Variants in ATXN2 observed in about 807,000 individuals in gnomAD.
The protein encoded by ATXN2 is ataxin 2.
A neutral mutation model predicts 138.6 loss-of-function variants in ATXN2; 37 were observed. The ratio of observed to expected loss-of-function variants is 0.27; its 90% CI spans 0.21 to 0.35. The LOEUF (loss-of-function observed/expected upper bound fraction) is 0.35, where lower values mean the gene tolerates loss of function less well. Among genes scored for constraint, ATXN2 ranks in the 10% least tolerant of loss-of-function variants. The pLI is 1.00. For synonymous variants in ATXN2, 549 were observed against 543.7 expected, an observed-to-expected ratio of 1.01 and a Z score of -0.13; for missense variants, 1,216 against 1,480.3, an observed-to-expected ratio of 0.82 and a Z score of 2.93.
rs530808822 is a variant in ATXN2, at chr12:111,473,282, TA to T, written c.2525-2541del. Among the ~76,000 whole-genome samples the T allele has an allele frequency of 2.3e-3, 304 of 131,756 alleles. 1 individual carries two copies. Among genetic ancestry groups the T allele is most frequent in the Non-Finnish European group, 2.2e-3 (135 of 60,930 alleles). 86.4% of individuals were successfully genotyped at this position (131,756 alleles called of 152,430 possible). A position where few individuals can be genotyped will look rare whatever the true frequency, so the allele number is the denominator to read the frequency against. On this transcript the variant is annotated intron_variant, in intron 18 of 24. Transcript: ENST00000673436. Reference sequence around the variant, plus strand: ...GAGCCAGACCTTGTCTCCAAAAAATTAAAAAAAAAAAAAAAATTCCAGAAGT... The same window carrying T: ...GAGCCAGACCTTGTCTCCAAAAAATTAAAAAAAAAAAAAAATTCCAGAAGT...
intron 5 of ATXN2, among the ~76,000 whole-genome samples, chr12:111,549,188 C>T (rs555945716): frequency 6.6e-6 from 1 of 152,224 alleles, no homozygotes; most frequent in African/African-American, 2.4e-5. Flanking sequence ...GGTGACTAAA[C>T]GTGAACCCAG....
chr12:111,456,111 G>A lies in ATXN2; in HGVS notation c.3188C>T (p.Ala1063Val). Residue 1063 changes from alanine (A) to valine (V), a missense_variant, in exon 23 of 25, where the codon GCA (alanine) becomes GTA (valine). Coordinates refer to ENST00000673436, the MANE Select transcript of ATXN2 (RefSeq NM_001372574.1). ...ATGGATCGTAAAGACAGTCTGTTGTGCTGCTGGGAAACTATTCTGTGGCGA... is the reference window on the plus strand; with the variant it reads ...ATGGATCGTAAAGACAGTCTGTTGTACTGCTGGGAAACTATTCTGTGGCGA... Reference protein sequence around the residue: ...TQSPQNSFPAAQQTVFTIHPS... With the variant: ...TQSPQNSFPAVQQTVFTIHPS... 2 of 1,614,228 alleles carry A rather than the reference G, an allele frequency of 1.2e-6. No individual in the cohort carries two copies. The highest frequency in any genetic ancestry group is 1.7e-6 in the Non-Finnish European group (2 of 1,180,044).
At chr12:111,556,403 A>G in intron 1 of ATXN2, among the ~76,000 whole-genome samples, 1 of 152,112 alleles carries the variant, frequency 6.6e-6, no homozygotes, top group East Asian at 1.9e-4. Flanking sequence ...TCCCAAAGTA[A>G]CCAATCACTG....
At chr12:111,561,795 G>A (rs1467523469) in intron 1 of ATXN2, among the ~76,000 whole-genome samples, 1 of 151,962 alleles carries the variant, frequency 6.6e-6, no homozygotes. Context: ...TGCAGCCTGG[G>A]TGACAGAGCA....
chr12:111,538,923 T>C (rs1286000550), intron 5 of ATXN2, among the ~76,000 whole-genome samples: 1 of 149,574 alleles, frequency 6.7e-6, no homozygotes, highest in Non-Finnish European at 1.5e-5. Context: ...CAAGAAAAAA[T>C]ATGGAAATTC....
At chr12:111,569,642 G>A (rs1386173872) in intron 1 of ATXN2, among the ~76,000 whole-genome samples, 3 of 152,150 alleles carry the variant, frequency 2.0e-5, no homozygotes, top group African/African-American at 7.2e-5. Flanking sequence ...CTTAAGCCCA[G>A]GAAGTCGAGG....
chr12:111,524,740 C>T (rs940539051), intron 6 of ATXN2, among the ~76,000 whole-genome samples: 1 of 152,156 alleles, frequency 6.6e-6, no homozygotes, highest in African/African-American at 2.4e-5. Context: ...TCCAATGTAA[C>T]CTAATTATTT....
At chr12:111,575,502 T>C (rs1469752482) in intron 1 of ATXN2, among the ~76,000 whole-genome samples, 1 of 152,044 alleles carries the variant, frequency 6.6e-6, no homozygotes, top group Admixed American at 6.6e-5. Flanking sequence ...TTCCTCTTCA[T>C]CTAAAAGAAC....
intron 10 of ATXN2, 71 bp from the exon 11 acceptor site, chr12:111,513,610 C>T: frequency 7.3e-7 from 1 of 1,365,188 alleles, no homozygotes; most frequent in Non-Finnish European, 1.0e-6. Context: ...GCTAAATACA[C>T]CCATTCACAC....
chr12:111,539,190 G>A (rs1440708385), intron 5 of ATXN2, among the ~76,000 whole-genome samples: 2 of 150,176 alleles, frequency 1.3e-5, no homozygotes, highest in Admixed American at 6.7e-5. Context: ...CTCAAAATAT[G>A]AAATTAGCCT....
chr12:111,465,406 C>T (rs1022550023), intron 20 of ATXN2, among the ~76,000 whole-genome samples: 6 of 151,476 alleles, frequency 4.0e-5, no homozygotes, highest in East Asian at 3.9e-4. Flanking sequence ...TCTAGTTAGT[C>T]GGAAAAGTTG....
Position 111,563,617 on chromosome 12 carries a change from T to C in ATXN2, c.252-7698A>G, listed in dbSNP as rs189385859. Among the ~76,000 whole-genome samples, 92 of 152,210 alleles carry C rather than the reference T, an allele frequency of 6.0e-4. 1 individual carries two copies. The highest frequency in any genetic ancestry group is 2.1e-3 in the African/African-American group (89 of 41,560). On this transcript the variant is annotated intron_variant, in intron 1 of 24. Coordinates refer to ENST00000673436, the MANE Select transcript of ATXN2 (RefSeq NM_001372574.1). ...TACCAATACAGAGAAAATGTTAAGG[T>C]GAATATGGTAAAATGTTACTTGAAG...
chr12:111,519,820 T>C, intron 8 of ATXN2, 59 bp downstream of exon 8: 1 of 1,612,412 alleles, frequency 6.2e-7, no homozygotes. Context: ...CAATACACCG[T>C]CTCACACAGA....
At position 111,504,575 on chromosome 12, in the gene ATXN2, G is replaced by A. The variant is rs144268083; in HGVS notation, c.1935+4974C>T. Reference sequence around the variant, plus strand: ...AAAGTGCTGGGATTACAGGCGTTGAGAGCCACTGTGCCTGGCCAAGAATAG... The same window carrying A: ...AAAGTGCTGGGATTACAGGCGTTGAAAGCCACTGTGCCTGGCCAAGAATAG... On this transcript the variant is annotated intron_variant, in intron 14 of 24. Coordinates refer to ENST00000673436, the MANE Select transcript of ATXN2 (RefSeq NM_001372574.1). 1.1e-3 allele frequency among the ~76,000 whole-genome samples: 170 copies of A among 152,280 alleles called. No individual in the cohort carries two copies. The East Asian group carries it at 0.012, about 11-fold the overall frequency.
chr12:111,488,346 A>G lies in ATXN2; in HGVS notation c.2240+130T>C, dbSNP rs946330561. 4 of 922,924 alleles carry G rather than the reference A, an allele frequency of 4.3e-6. No homozygotes were observed. In the African/African-American group the frequency reaches 6.6e-5, roughly 15 times the overall value. 57.2% of individuals were successfully genotyped at this position (922,924 alleles called of 1,614,324 possible). ...TCATTTGTTTGGACTAGCTGTTTGT[A>G]AACTAAGGGCAATGTATAAAGTAGT... On this transcript the variant is annotated intron_variant, in intron 15 of 24. Coordinates refer to ENST00000673436, the MANE Select transcript of ATXN2 (RefSeq NM_001372574.1).
Position 111,598,930 on chromosome 12 carries a change from A to T in ATXN2, c.105T>A (p.Asn35Lys). 2 of 1,510,720 alleles carry T rather than the reference A, an allele frequency of 1.3e-6. No homozygotes were observed. The highest frequency in any genetic ancestry group is 8.8e-7 in the Non-Finnish European group (1 of 1,134,878). The allele number at this position is 1,510,720 out of a possible 1,614,324, so 93.6% of individuals were successfully genotyped here. Residue 35 changes from asparagine to lysine, a missense_variant, in exon 1 of 25, where the codon AAT becomes AAA. This residue lies in a region of ATXN2 where 110 missense variants were observed against 88.7 expected (regional missense o/e 1.24). Coordinates refer to ENST00000673436, the MANE Select transcript of ATXN2 (RefSeq NM_001372574.1). The surrounding 1 kb of genome is among the most constrained non-coding windows in gnomAD (Gnocchi z 4.5). ...GGCCGCTGCCGCCGGGCTTGCGGAC[A>T]TTGGCAGCCGCGGGCGGCGGCTGCT... ...QQQQPPPAAA[N>K]VRKPGGSGLL...
At chr12:111,522,203 T>C (rs1415904969) in intron 6 of ATXN2, among the ~76,000 whole-genome samples, 1 of 146,570 alleles carries the variant, frequency 6.8e-6, no homozygotes, top group Non-Finnish European at 1.5e-5. Flanking sequence ...GGCTTTAAAA[T>C]TACTTAAGTA....
intron 1 of ATXN2, among the ~76,000 whole-genome samples, chr12:111,576,230 G>T (rs1883640722): frequency 1.3e-5 from 2 of 151,922 alleles, no homozygotes; most frequent in South Asian, 4.2e-4. Context: ...GATCACTTGA[G>T]AATAGGAGTT....
chr12:111,517,598 A>G (rs1879926513), intron 9 of ATXN2, among the ~76,000 whole-genome samples: 1 of 152,168 alleles, frequency 6.6e-6, no homozygotes, highest in South Asian at 2.1e-4. Context: ...AACCTACAAG[A>G]TATATTCAAC....
Sources: allele counts gnomAD v4.1 joint callset (sites outside exome capture counted in the v4.1 genomes callset), GRCh38; gene constraint gnomAD v4.1.1; regional missense constraint gnomAD v4.1.1; non-coding constraint Gnocchi (gnomAD v3.1); transcripts MANE v1.5; gene names NCBI Gene and HGNC (gene_info 2026-07-23, HGNC 2026-07-21).